The following KRI1 variants were observed in gnomAD, a reference collection of about 807,000 sequenced individuals.
KRI1 encodes KRI1 homolog.
KRI1 carries 83 observed loss-of-function variants against 97.0 expected under a neutral mutation model. The ratio of observed to expected loss-of-function variants is 0.86; its 90% CI spans 0.72 to 1.03. The LOEUF is 1.03. Ranked by LOEUF, KRI1 falls within the 50% of genes least tolerant of loss-of-function variation. KRI1 has a pLI of 0.00. For missense variants in KRI1, 916 were observed against 928.4 expected, an observed-to-expected ratio of 0.99 and a Z score of 0.17; for synonymous variants, 371 against 363.5, an observed-to-expected ratio of 1.02 and a Z score of -0.23.
At chr19:10,560,281 A>G (rs1208554729) in intron 9 of KRI1, 31 bp downstream of exon 9, 3 of 1,565,596 alleles carry the variant, frequency 1.9e-6, no homozygotes, top group African/African-American at 2.7e-5. Flanking sequence ...CGCACCCAAA[A>G]TCTAGGTCCT....
chr19:10,561,731 A>G lies in KRI1; in HGVS notation c.439-15T>C, dbSNP rs1916706739. On this transcript the variant is annotated splice_polypyrimidine_tract_variant and intron_variant, in intron 5 of 18. Transcript: ENST00000312962. ...GACGATGTCTCCTGCAGAGAGGGCC[A>G]TAGGTCTCAGGCCAGCCCCAGGCCC... 4 of 1,613,890 alleles carry G rather than the reference A, an allele frequency of 2.5e-6. No homozygotes were observed. Among genetic ancestry groups the G allele is most frequent in the Admixed American group, 1.7e-5 (1 of 59,974 alleles).
At chr19:10,558,769 G>T (rs573105350) in intron 12 of KRI1, among the ~76,000 whole-genome samples, 2 of 151,564 alleles carry the variant, frequency 1.3e-5, no homozygotes, top group South Asian at 4.2e-4. Flanking sequence ...ACAATGGCGA[G>T]ATCTTGGCTC....
chr19:10,561,332 T>C lies in KRI1; in HGVS notation c.489-67A>G, dbSNP rs3745248. On this transcript the variant is annotated intron_variant, in intron 6 of 18. Coordinates refer to ENST00000312962, the MANE Select transcript of KRI1 (RefSeq NM_023008.5). ...CCCCTGTCTGCTGCCCCAGTATTTA[T>C]TTTATTTTGTAGAGCTGGGGTCTCA... 1.2e-3 allele frequency: 1,726 copies of C among 1,431,406 alleles called. 31 individuals carry two copies. The East Asian group carries it at 0.035, about 29-fold the overall frequency. The allele number at this position is 1,431,406 out of a possible 1,614,324, so 88.7% of individuals were successfully genotyped here.
At chr19:10,561,416 C>G in intron 6 of KRI1, 151 bp from the exon 7 acceptor site, 1 of 839,488 alleles carries the variant, frequency 1.2e-6, no homozygotes, top group South Asian at 1.6e-5. Flanking sequence ...CTCCTCTGCC[C>G]ACCAAAGCCC....
chr19:10,558,218 A>G lies in KRI1; in HGVS notation c.1216T>C (p.Tyr406His), dbSNP rs368423558. 25 of 1,613,990 alleles carry G rather than the reference A, an allele frequency of 1.5e-5. No homozygotes were observed. The African/African-American group carries it at 2.1e-4, about 14-fold the overall frequency. ...LMQKCFGDEY[Y>H]GAVEEEKPQF... is the part of the protein sequence containing the mutation. ...GGCTTCTCCTCCTCCACGGCCCCGT[A>G]GTACTCGTCCCCAAAGCACTTCTGC... is the stretch of plus-strand genomic sequence containing the variant. The change falls in exon 13 of 19, where the codon TAC becomes CAC. Residue 406 changes from tyrosine to histidine, a missense_variant. By Grantham distance (83) the Tyr-to-His change is moderately conservative. Around this residue, in one of 3 missense-constraint regions of KRI1, gnomAD observed 672 missense variants for 667.2 expected, o/e 1.01. Transcript: ENST00000312962.
In KRI1 at chr19:10,555,145, G is replaced by A. The variant is rs767933842; in HGVS notation, c.1723C>T (p.Gln575Ter). The stretch of plus-strand genomic sequence containing the variant: ...TTTTTCCATGAGTTCTGGGCCTTCT[G>A]GCTGTACGCCCGCTTGTCCCGCAGC... ...EELRDKRAYS[Q>*]KAQNSWKKRQ... Residue 575 changes from glutamine (Q) to a stop codon, truncating the protein, a stop_gained, in exon 18 of 19, where the codon CAG becomes TAG. Coordinates refer to ENST00000312962, the MANE Select transcript of KRI1 (RefSeq NM_023008.5). LOFTEE classifies it high-confidence loss of function. 1 of 1,612,444 alleles carries A rather than the reference G, an allele frequency of 6.2e-7. No homozygotes were observed. The highest frequency in any genetic ancestry group is 8.5e-7 in the Non-Finnish European group (1 of 1,179,508).
intron 16 of KRI1, among the ~76,000 whole-genome samples, chr19:10,556,710 G>C (rs2041485112): frequency 6.6e-6 from 1 of 151,874 alleles, no homozygotes; most frequent in African/African-American, 2.4e-5. Context: ...AGTAATATTG[G>C]CTGGGTGTGG....
At chr19:10,560,563 T>G (rs1179321415) in intron 8 of KRI1, 115 bp from the exon 9 acceptor site, 14 of 759,128 alleles carry the variant, frequency 1.8e-5, no homozygotes, top group Non-Finnish European at 2.6e-5. Flanking sequence ...TAGCCCCATT[T>G]TGGTTTCTTA....
Position 10,559,837 on chromosome 19 carries a change from G to T in KRI1, c.900C>A (p.Phe300Leu). Residue 300 changes from phenylalanine to leucine, a missense_variant, in exon 10 of 19, where the codon TTC (phenylalanine) becomes TTA (leucine). This residue lies in a region of KRI1 where 672 missense variants were observed against 667.2 expected (regional missense o/e 1.01). Coordinates refer to ENST00000312962, the MANE Select transcript of KRI1 (RefSeq NM_023008.5). Reference sequence around the variant, plus strand: ...ATGCTGAGTCCGGCTCCTCGAAACGGAAATTGTACTTCTGTTCAAAGTCCT... The same window carrying T: ...ATGCTGAGTCCGGCTCCTCGAAACGTAAATTGTACTTCTGTTCAAAGTCCT... Reference protein sequence around the residue: ...KQEDFEQKYNFRFEEPDSASV... With the variant: ...KQEDFEQKYNLRFEEPDSASV... 6.2e-7 allele frequency: 1 copy of T among 1,613,866 alleles called. No individual in the cohort carries two copies. The highest frequency in any genetic ancestry group is 1.1e-5 in the South Asian group (1 of 91,082).
In KRI1 at chr19:10,553,703, G is replaced by C. The variant is rs1315323506; in HGVS notation, c.*248C>G. 2.2e-6 allele frequency: 1 copy of C among 459,528 alleles called. No homozygotes were observed. The highest frequency in any genetic ancestry group is 3.7e-5 in the East Asian group (1 of 26,704). The allele number at this position is 459,528 out of a possible 1,614,324, so 28.5% of individuals were successfully genotyped here. ...TGATCTTCCTTCCCCAGCCTCCTGA[G>C]TAGCTGGGACTACAGGCATGTGTCA... On this transcript the variant is annotated 3_prime_UTR_variant, in exon 19 of 19. Transcript: ENST00000312962.
At chr19:10,556,151 C>T (rs1212011417) in intron 16 of KRI1, among the ~76,000 whole-genome samples, 1 of 152,140 alleles carries the variant, frequency 6.6e-6, no homozygotes, top group African/African-American at 2.4e-5. Flanking sequence ...CAGCTCACAG[C>T]AGCCTCAACC....
chr19:10,557,916 G>A (rs1441364112), intron 14 of KRI1, 21 bp from the exon 15 acceptor site: 1 of 1,613,688 alleles, frequency 6.2e-7, no homozygotes. Context: ...GCACAGGTCA[G>A]ATCCCACCAG....
rs1555748651 is a variant in KRI1, at chr19:10,557,908, A to AC, written c.1360-14dup. ...AGTCGGCGTCCATCTGCCAGGACGC[A>AC]CAGGTCAGATCCCACCAGCCCCCCG... On this transcript the variant is annotated splice_polypyrimidine_tract_variant and intron_variant, in intron 14 of 18. Transcript: ENST00000312962. 3 of 1,613,760 alleles carry AC rather than the reference A, an allele frequency of 1.9e-6. No homozygotes were observed. Among genetic ancestry groups the AC allele is most frequent in the Non-Finnish European group, 2.5e-6 (3 of 1,179,928 alleles).
chr19:10,554,918 A>T (rs757174550), intron 18 of KRI1, among the ~76,000 whole-genome samples, 169 bp downstream of exon 18: 28 of 152,260 alleles, frequency 1.8e-4, no homozygotes, highest in Non-Finnish European at 3.2e-4. Context: ...AGGGGTAGCG[A>T]CTTGCCCAAG....
In KRI1 at chr19:10,560,361, C is replaced by A; in HGVS notation, c.751G>T (p.Glu251Ter). The A allele has an allele frequency of 6.2e-7, 1 of 1,613,548 alleles. No individual in the cohort carries two copies. The highest frequency in any genetic ancestry group is 8.5e-7 in the Non-Finnish European group (1 of 1,179,906). The change falls in exon 9 of 19, where the codon GAG becomes TAG. Residue 251 changes from glutamate to a stop codon, truncating the protein, a stop_gained. Transcript: ENST00000312962. LOFTEE classifies it high-confidence loss of function. Reference protein sequence around the residue: ...RDYILNKRYEEEEEEEEDEEE... With the variant: ...RDYILNKRYE ...TCATCTTCCTCCTCCTCTTCCTCCT[C>A]CTCATAGCGTTTGTTGAGGATGTAA...
chr19:10,559,043 C>T (rs1916608473), intron 12 of KRI1, among the ~76,000 whole-genome samples: 1 of 144,260 alleles, frequency 6.9e-6, no homozygotes, highest in East Asian at 2.1e-4. Context: ...CTCCCTCTGT[C>T]GCCCAGGCTG....
At position 10,554,180 on chromosome 19, in the gene KRI1, C is replaced by G. The variant is rs1916417810; in HGVS notation, c.1883G>C (p.Ser628Thr). The change falls in exon 19 of 19, where the codon AGT (serine) becomes ACT (threonine). Residue 628 changes from serine to threonine, a missense_variant. By Grantham distance (58) the Ser-to-Thr change is moderately conservative. Transcript: ENST00000312962. ...GGCTTCCTCTTCCTGTGCTGGGGGA[C>G]TCTCCGGCCCCATCAAGCTGCCATC... ...ALDGSLMGPE[S>T]PPAQEEEAPV... The G allele has an allele frequency of 1.2e-6, 2 of 1,613,652 alleles. No individual in the cohort carries two copies. The highest frequency in any genetic ancestry group is 1.1e-5 in the South Asian group (1 of 91,066).
chr19:10,562,014 C>T (rs781581740), intron 4 of KRI1, among the ~76,000 whole-genome samples, 169 bp from the exon 5 acceptor site: 1 of 147,490 alleles, frequency 6.8e-6, no homozygotes, highest in East Asian at 2.0e-4. Context: ...GAGTTTCCAG[C>T]GTTTTTTTTT....
intron 16 of KRI1, among the ~76,000 whole-genome samples, chr19:10,555,704 T>C (rs8113274): frequency 6.6e-6 from 1 of 152,074 alleles, no homozygotes; most frequent in East Asian, 1.9e-4. Context: ...TAATTACATA[T>C]GAAACTGTCA....
Sources: allele counts gnomAD v4.1 joint callset (sites outside exome capture counted in the v4.1 genomes callset), GRCh38; gene constraint gnomAD v4.1.1; regional missense constraint gnomAD v4.1.1; transcripts MANE v1.5; gene names NCBI Gene and HGNC (gene_info 2026-07-23, HGNC 2026-07-21).